Variants in RAPGEF1 observed in about 807,000 individuals in gnomAD.
RAPGEF1 encodes the protein CRK SH3-binding GNRP.
In RAPGEF1, 33 loss-of-function variants were observed where a neutral mutation model predicts 143.3. That is an observed-to-expected ratio of 0.23 (90% CI 0.17 to 0.31). RAPGEF1 has a LOEUF of 0.31. RAPGEF1 is among the 10% of genes least tolerant of loss of function. The probability of loss-of-function intolerance (pLI) is 1.00; values close to 1 mark genes in which losing one functional copy is unlikely to be tolerated. For missense variants in RAPGEF1, 1,199 were observed against 1,645.4 expected (o/e 0.73, Z 4.69); for synonymous variants, 629 against 676.5 (o/e 0.93, Z 1.09).
intron 25 of RAPGEF1, among the ~76,000 whole-genome samples, chr9:131,581,122 G>A (rs568780580): frequency 1.3e-4 from 19 of 151,490 alleles, no homozygotes; most frequent in African/African-American, 4.1e-4. Flanking sequence ...TAACAAGAAC[G>A]TAACAAGAAC....
chr9:131,689,324 G>A (rs1351473186), intron 1 of RAPGEF1, among the ~76,000 whole-genome samples: 9 of 152,070 alleles, frequency 5.9e-5, no homozygotes, highest in Non-Finnish European at 1.2e-4. Context: ...GCCTCTCCCT[G>A]CATTTGTTGT....
chr9:131,634,583 C>T (rs1283966875), intron 5 of RAPGEF1, among the ~76,000 whole-genome samples: 3 of 151,258 alleles, frequency 2.0e-5, no homozygotes, highest in South Asian at 2.1e-4. Context: ...CATGGTTGTA[C>T]GCGCCTGTAA....
chr9:131,581,878 G>T (rs2132087486), intron 25 of RAPGEF1, among the ~76,000 whole-genome samples: 1 of 152,320 alleles, frequency 6.6e-6, no homozygotes, highest in South Asian at 2.1e-4. Flanking sequence ...AGAGCAGGAA[G>T]CCTGGGGATT....
chr9:131,582,368 G>A (rs893913479), intron 25 of RAPGEF1, among the ~76,000 whole-genome samples: 7 of 151,638 alleles, frequency 4.6e-5, no homozygotes, highest in Admixed American at 3.3e-4. Context: ...TTCTTCACCT[G>A]AGCGCTTCTT....
intron 5 of RAPGEF1, among the ~76,000 whole-genome samples, chr9:131,630,912 A>G (rs1158883304): frequency 1.3e-5 from 2 of 152,078 alleles, no homozygotes; most frequent in Non-Finnish European, 2.9e-5. Flanking sequence ...AATCGTAGCA[A>G]AAGAAAAAAA....
rs1952474556 is a variant in RAPGEF1 at position 131,584,977 on chromosome 9, C to T, written c.3234-381G>A. Among the ~76,000 whole-genome samples the T allele has an allele frequency of 6.6e-6, 1 of 152,166 alleles. No homozygotes were observed. Among genetic ancestry groups the T allele is most frequent in the Non-Finnish European group, 1.5e-5 (1 of 68,018 alleles). The stretch of plus-strand genomic sequence containing the variant: ...GTGATGCAGGACTGGCTCGGGGAGA[C>T]CCGCTAGCACGTGAGGTAAGAGGTC... On this transcript the variant is annotated intron_variant, in intron 22 of 26. Coordinates refer to ENST00000683357, the MANE Select transcript of RAPGEF1 (RefSeq NM_001377935.1). The surrounding 1 kb of genome is among the most constrained non-coding windows in gnomAD (Gnocchi z 6.8).
chr9:131,662,427 C>T (rs893570585), intron 1 of RAPGEF1, among the ~76,000 whole-genome samples: 14 of 152,204 alleles, frequency 9.2e-5, no homozygotes, highest in African/African-American at 3.4e-4. Flanking sequence ...GTTGCCCAGG[C>T]TGGAGTATAG....
intron 1 of RAPGEF1, among the ~76,000 whole-genome samples, chr9:131,653,142 C>G (rs1299054553): frequency 6.6e-6 from 1 of 152,180 alleles, no homozygotes; most frequent in Non-Finnish European, 1.5e-5. Context: ...TTCCAGGATC[C>G]TCTGCGGGGA....
At chr9:131,609,350 C>T (rs1032163867) in intron 12 of RAPGEF1, among the ~76,000 whole-genome samples, 1 of 152,154 alleles carries the variant, frequency 6.6e-6, no homozygotes, top group Admixed American at 6.5e-5. Context: ...ACACAGCTGG[C>T]AAGAGGTGGC....
intron 1 of RAPGEF1, among the ~76,000 whole-genome samples, chr9:131,679,132 G>A (rs997914608): frequency 6.7e-6 from 1 of 148,856 alleles, no homozygotes; most frequent in South Asian, 2.2e-4. Context: ...AAACTCACAC[G>A]AGGAAATCCC....
chr9:131,585,469 C>T (rs761257760), intron 22 of RAPGEF1, among the ~76,000 whole-genome samples: 2 of 152,242 alleles, frequency 1.3e-5, no homozygotes, highest in Non-Finnish European at 2.9e-5. Flanking sequence ...ATGTGAGCCA[C>T]TGCACTCGCA....
At chr9:131,704,278 T>C (rs1403175373) in intron 1 of RAPGEF1, among the ~76,000 whole-genome samples, 1 of 150,112 alleles carries the variant, frequency 6.7e-6, no homozygotes, top group Non-Finnish European at 1.5e-5. Context: ...CTTTGCTATC[T>C]AGTGTGCAGA....
chr9:131,616,279 A>C (rs1451550205), intron 12 of RAPGEF1, among the ~76,000 whole-genome samples: 1 of 152,024 alleles, frequency 6.6e-6, no homozygotes, highest in Non-Finnish European at 1.5e-5. Context: ...AAACAAAAAC[A>C]AAAAACCAAA....
chr9:131,739,458 C>G (rs1242813897), intron 1 of RAPGEF1, among the ~76,000 whole-genome samples: 1 of 152,040 alleles, frequency 6.6e-6, no homozygotes, highest in African/African-American at 2.4e-5. Flanking sequence ...CTGTTCTTCC[C>G]CTGCTTGGGG....
chr9:131,592,155 C>A lies in RAPGEF1; in HGVS notation c.2718G>T (p.Leu906=). The A allele has an allele frequency of 6.2e-7, 1 of 1,611,316 alleles. No individual in the cohort carries two copies. Among genetic ancestry groups the A allele is most frequent in the South Asian group, 1.1e-5 (1 of 90,958 alleles). The part of the protein sequence containing the change: ...KDLVLYCEAF[L]TTYRTFISPE... ...GGGAGATGAAGGTCCTGTAGGTGGT[C>A]AGGAATGCCTCGCAGTACAACACCA... Residue 906 remains leucine, a synonymous_variant, in exon 18 of 27, where the codon CTG becomes CTT. Transcript: ENST00000683357.
intron 1 of RAPGEF1, among the ~76,000 whole-genome samples, chr9:131,687,383 C>T (rs1342233707): frequency 4.0e-5 from 6 of 151,890 alleles, no homozygotes; most frequent in South Asian, 2.1e-4. Context: ...TTAGTAGAGA[C>T]GGGGTTTCAC....
intron 24 of RAPGEF1, 100 bp from the exon 25 acceptor site, chr9:131,582,802 C>T: frequency 9.8e-7 from 1 of 1,015,256 alleles, no homozygotes; most frequent in Non-Finnish European, 1.4e-6. Flanking sequence ...GAGGGTCAAC[C>T]ACCCTCTGCC....
intron 12 of RAPGEF1, among the ~76,000 whole-genome samples, chr9:131,615,818 C>T (rs999030891): frequency 2.6e-5 from 4 of 152,152 alleles, no homozygotes; most frequent in African/African-American, 9.7e-5. Context: ...AGTTCAAGCT[C>T]CACCTCCAGC....
intron 1 of RAPGEF1, among the ~76,000 whole-genome samples, chr9:131,663,068 C>T (rs369633530): frequency 2.6e-5 from 4 of 152,002 alleles, no homozygotes; most frequent in Admixed American, 6.5e-5. Flanking sequence ...ATTCGTCAAC[C>T]GTTAACATTC....
Sources: allele counts gnomAD v4.1 joint callset (sites outside exome capture counted in the v4.1 genomes callset), GRCh38; gene constraint gnomAD v4.1.1; non-coding constraint Gnocchi (gnomAD v3.1); transcripts MANE v1.5; gene names NCBI Gene and HGNC (gene_info 2026-07-23, HGNC 2026-07-21).